Variants in PCDH11X observed in about 807,000 individuals in gnomAD.
The protein encoded by PCDH11X is protocadherin-11 X-linked.
Under a neutral mutation model 53.3 loss-of-function variants are expected in PCDH11X, and 18 were observed. The observed-to-expected ratio is 0.34, with a 90% CI of 0.23 to 0.50. The LOEUF (loss-of-function observed/expected upper bound fraction) is 0.50. Among genes scored for constraint, PCDH11X ranks in the 20% least tolerant of loss-of-function variants. The pLI is 0.98. For missense variants in PCDH11X, 570 were observed against 1,032.4 expected, an observed-to-expected ratio of 0.55 and a Z score of 6.14; for synonymous variants, 279 against 393.3, an observed-to-expected ratio of 0.71 and a Z score of 3.44.
At chrX:92,514,842 T>C (rs980179579) in intron 10 of PCDH11X, among the ~76,000 whole-genome samples, 3 of 108,495 alleles carry the variant, frequency 2.8e-5, no homozygotes, top group African/African-American at 1.0e-4. Context: ...GGTCAGGAGA[T>C]CGAGACCATC....
At chrX:92,473,480 C>G (rs2073311689) in intron 10 of PCDH11X, among the ~76,000 whole-genome samples, 1 of 111,116 alleles carries the variant, frequency 9.0e-6, no homozygotes, top group Non-Finnish European at 1.9e-5. Context: ...TCTTTTTCTT[C>G]TACTAATATT....
intron 9 of PCDH11X, among the ~76,000 whole-genome samples, chrX:92,448,934 A>G (rs186480063): frequency 1.5e-3 from 169 of 112,247 alleles, no homozygotes; most frequent in African/African-American, 5.4e-3. Context: ...AATGACTCAC[A>G]TAAGTAGCTC....
intron 6 of PCDH11X, among the ~76,000 whole-genome samples, chrX:92,008,356 G>A (rs1478664368): frequency 1.8e-5 from 2 of 110,772 alleles, no homozygotes; most frequent in African/African-American, 6.6e-5. Flanking sequence ...CTCTGGCTAG[G>A]GCTGATTTAA....
At chrX:92,441,438 G>A (rs1365478097) in intron 9 of PCDH11X, among the ~76,000 whole-genome samples, 1 of 111,904 alleles carries the variant, frequency 8.9e-6, no homozygotes, top group Non-Finnish European at 1.9e-5. Context: ...CCAGGCCCAG[G>A]GTTCCCATGC....
intron 8 of PCDH11X, among the ~76,000 whole-genome samples, chrX:92,266,228 C>A (rs1046007728): frequency 6.3e-5 from 7 of 111,968 alleles, no homozygotes; most frequent in African/African-American, 2.3e-4. Context: ...AAATTCATTT[C>A]TTGAACTCCT....
At chrX:92,477,465 T>C (rs1307759951) in intron 10 of PCDH11X, among the ~76,000 whole-genome samples, 1 of 92,977 alleles carries the variant, frequency 1.1e-5, no homozygotes, top group Admixed American at 1.2e-4. Context: ...CTTGTGATGA[T>C]TGATACCTGG....
chrX:91,912,037 TGA>T (rs1482724262), intron 6 of PCDH11X, among the ~76,000 whole-genome samples: 1 of 112,058 alleles, frequency 8.9e-6, no homozygotes, highest in Non-Finnish European at 1.9e-5. Flanking sequence ...ATTTTATGTG[TGA>T]CTATTGTAAA....
intron 6 of PCDH11X, among the ~76,000 whole-genome samples, chrX:92,038,007 C>G (rs2063154164): frequency 9.2e-6 from 1 of 108,360 alleles, no homozygotes. Flanking sequence ...TGTAGGTTGC[C>G]TGGTGGAAGA....
chrX:91,976,638 G>C (rs781390756), intron 6 of PCDH11X, among the ~76,000 whole-genome samples: 65 of 111,333 alleles, frequency 5.8e-4, no homozygotes, highest in African/African-American at 1.8e-3. Flanking sequence ...AGATTATATT[G>C]GTCTTCTGAT....
intron 7 of PCDH11X, among the ~76,000 whole-genome samples, chrX:92,254,002 T>C (rs997241156): frequency 8.0e-5 from 9 of 112,079 alleles, no homozygotes; most frequent in African/African-American, 2.9e-4. Context: ...ATTGGCATCC[T>C]TGTTGTGTTC....
chrX:91,968,247 T>C (rs2061895167), intron 6 of PCDH11X, among the ~76,000 whole-genome samples: 1 of 111,825 alleles, frequency 8.9e-6, no homozygotes, highest in Non-Finnish European at 1.9e-5. Flanking sequence ...TTATATTTCC[T>C]TCTGTGCTGT....
chrX:92,408,660 G>T (rs959389026), intron 9 of PCDH11X, among the ~76,000 whole-genome samples: 3 of 111,165 alleles, frequency 2.7e-5, no homozygotes, highest in African/African-American at 9.8e-5. Context: ...TCGGCTCACT[G>T]CAAGCTCTGC....
At chrX:91,795,049 TG>T (rs1236629725) in intron 1 of PCDH11X, among the ~76,000 whole-genome samples, 1 of 109,271 alleles carries the variant, frequency 9.2e-6, no homozygotes, top group African/African-American at 3.3e-5. Flanking sequence ...TACGTGGAAC[TG>T]TGAGTTCTCC....
At chrX:92,555,262 G>A (rs1486138899) in intron 10 of PCDH11X, among the ~76,000 whole-genome samples, 1 of 111,142 alleles carries the variant, frequency 9.0e-6, no homozygotes, top group African/African-American at 3.3e-5. Context: ...GAAATGGAAG[G>A]GAATTTTTAA....
intron 7 of PCDH11X, among the ~76,000 whole-genome samples, chrX:92,244,220 A>G (rs942805172): frequency 1.8e-5 from 2 of 109,614 alleles, no homozygotes; most frequent in Admixed American, 2.0e-4. Context: ...AAAGCCTTCA[A>G]TGAACCTAGC....
At chrX:92,521,180 G>A (rs2074364041) in intron 10 of PCDH11X, among the ~76,000 whole-genome samples, 1 of 111,796 alleles carries the variant, frequency 8.9e-6, no homozygotes, top group Non-Finnish European at 1.9e-5. Flanking sequence ...ATTTTACACA[G>A]ATGTATCAGA....
intron 6 of PCDH11X, among the ~76,000 whole-genome samples, chrX:92,173,528 A>G (rs1439288180): frequency 9.0e-6 from 1 of 110,527 alleles, no homozygotes; most frequent in Non-Finnish European, 1.9e-5. Flanking sequence ...TGATCAGGTC[A>G]CATATTATTG....
At chrX:92,222,496 C>T (rs893624507) in intron 7 of PCDH11X, among the ~76,000 whole-genome samples, 1 of 111,328 alleles carries the variant, frequency 9.0e-6, no homozygotes, top group African/African-American at 3.3e-5. Flanking sequence ...TAGAGCATCC[C>T]GATCTCCCTA....
chrX:92,118,450 A>AAT (rs914424087), intron 6 of PCDH11X, among the ~76,000 whole-genome samples: 8 of 106,667 alleles, frequency 7.5e-5, no homozygotes, highest in South Asian at 4.2e-4. Flanking sequence ...AAGAGGGTGG[A>AAT]ATATATATAT....
Sources: gnomAD v4.1 joint callset for allele counts (sites outside exome capture counted in the v4.1 genomes callset) on GRCh38, gnomAD v4.1.1 for gene constraint, MANE v1.5 for transcripts, NCBI Gene and HGNC (gene_info 2026-07-23, HGNC 2026-07-21) for gene names.